RANBP10: variants seen among roughly 807,000 people sequenced by gnomAD.
RANBP10 encodes the protein ran-binding protein 10.
In RANBP10, 24 loss-of-function variants were observed where a neutral mutation model predicts 72.8. That is an observed-to-expected ratio of 0.33 (90% confidence interval 0.24 to 0.46). The LOEUF (loss-of-function observed/expected upper bound fraction) is 0.46, where lower values mean the gene tolerates loss of function less well. Ranked by LOEUF, RANBP10 falls within the 20% of genes least tolerant of loss-of-function variation. The pLI, the probability that RANBP10 is intolerant of heterozygous loss-of-function variation, is 1.00. For missense variants in RANBP10, 679 were observed against 817.5 expected (o/e 0.83, Z 2.07); for synonymous variants, 310 against 322.3 (o/e 0.96, Z 0.41).
chr16:67,740,915 C>T (rs2053957379), intron 4 of RANBP10, among the ~76,000 whole-genome samples: 1 of 152,046 alleles, frequency 6.6e-6, no homozygotes, highest in Non-Finnish European at 1.5e-5. Flanking sequence ...AGGAGAAGAC[C>T]CCAATGTCCA....
Position 67,728,444 on chromosome 16 carries a change from T to C in RANBP10, c.1420A>G (p.Ile474Val), listed in dbSNP as rs373417770. 10 of 1,614,172 alleles carry C rather than the reference T, an allele frequency of 6.2e-6. No homozygotes were observed. Among genetic ancestry groups the C allele is most frequent in the Non-Finnish European group, 8.5e-6 (10 of 1,180,032 alleles). ...TCATGCTTGTAGGCACCATTAACAA[T>C]GCGTGTGGACATGCTTCCTAGCACA... ...NGVLGSMSTR[I>V]VNGAYKHEDL... Residue 474 changes from isoleucine to valine, a missense_variant, in exon 11 of 14, where the codon ATT becomes GTT. Transcript: ENST00000317506.
chr16:67,753,874 C>T (rs916351916), intron 3 of RANBP10, among the ~76,000 whole-genome samples: 1 of 152,110 alleles, frequency 6.6e-6, no homozygotes, highest in Non-Finnish European at 1.5e-5. Flanking sequence ...GTGGCTCATG[C>T]CTGTGATCCC....
chr16:67,727,511 G>A (rs1298859390), intron 12 of RANBP10, 73 bp from the exon 13 acceptor site: 3 of 1,447,352 alleles, frequency 2.1e-6, no homozygotes, highest in Non-Finnish European at 2.9e-6. Flanking sequence ...GGCTCCAGAG[G>A]GAGACAGGGC....
At position 67,730,811 on chromosome 16, in the gene RANBP10, C is replaced by T. The variant is rs146478420; in HGVS notation, c.889+661G>A. On this transcript the variant is annotated intron_variant, in intron 7 of 13. Transcript: ENST00000317506. The surrounding 1 kb of genome is among the most constrained non-coding windows in gnomAD (Gnocchi z 4.3). ...AGGGGTAGGCAGGCACTCACAGACA[C>T]GCATATCCACACCCACTTGCCCTCA... 6.6e-5 allele frequency among the ~76,000 whole-genome samples: 10 copies of T among 152,254 alleles called. No homozygotes were observed. In the East Asian group the frequency reaches 1.9e-3, roughly 29 times the overall value.
rs373020147 is a variant in RANBP10, at chr16:67,734,850, G to C, written c.776+8C>G. The C allele has an allele frequency of 6.4e-7, 1 of 1,574,208 alleles. No homozygotes were observed. Among genetic ancestry groups the C allele is most frequent in the South Asian group, 1.2e-5 (1 of 86,088 alleles). Reference sequence around the variant, plus strand: ...GGGAGTGGGTAAGGGCAGGAGCAGGGCACTCACTTCTGCAGCACTGCCTGC... The same window carrying C: ...GGGAGTGGGTAAGGGCAGGAGCAGGCCACTCACTTCTGCAGCACTGCCTGC... On this transcript the variant is annotated splice_region_variant and intron_variant, in intron 6 of 13. Coordinates refer to ENST00000317506, the MANE Select transcript of RANBP10 (RefSeq NM_020850.3).
intron 3 of RANBP10, among the ~76,000 whole-genome samples, chr16:67,759,097 A>C (rs1814888344): frequency 6.6e-6 from 1 of 152,240 alleles, no homozygotes; most frequent in Non-Finnish European, 1.5e-5. Flanking sequence ...CCACCGCTTG[A>C]ATCACCAGCT....
At chr16:67,782,513 G>A (rs980134934) in intron 2 of RANBP10, among the ~76,000 whole-genome samples, 7 of 149,420 alleles carry the variant, frequency 4.7e-5, no homozygotes, top group South Asian at 2.1e-4. Flanking sequence ...GTGCAGTGCC[G>A]CGATCTTGGC....
chr16:67,771,858 G>T (rs2054612720), intron 3 of RANBP10, among the ~76,000 whole-genome samples, 176 bp downstream of exon 3: 1 of 152,064 alleles, frequency 6.6e-6, no homozygotes, highest in Non-Finnish European at 1.5e-5. Context: ...TTTTGGAATG[G>T]AAATGCACAC....
At chr16:67,738,990 C>T (rs2053914122) in intron 4 of RANBP10, 1 of 152,154 alleles carries the variant, frequency 6.6e-6, no homozygotes, top group Non-Finnish European at 1.5e-5. Context: ...AGAAGGGCCT[C>T]ACTCTGTCGC....
rs2053655642 is a variant in RANBP10, at chr16:67,728,530, G to A, written c.1353-19C>T. ...ACTGTCGCTGTGGGGAGGGGTTGAG[G>A]TGGGAGTTGGCCCAGGGGGTGTGGT... is the stretch of plus-strand genomic sequence containing the variant. On this transcript the variant is annotated intron_variant, in intron 10 of 13. Transcript: ENST00000317506. 6.2e-7 allele frequency: 1 copy of A among 1,613,988 alleles called. No individual in the cohort carries two copies.
At chr16:67,782,487 T>C (rs1010887510) in intron 2 of RANBP10, among the ~76,000 whole-genome samples, 6 of 151,188 alleles carry the variant, frequency 4.0e-5, no homozygotes, top group Non-Finnish European at 1.5e-5. Context: ...AGTCTTGCTC[T>C]GTCACCCAGG....
intron 2 of RANBP10, among the ~76,000 whole-genome samples, chr16:67,784,408 G>C (rs2054869912): frequency 6.6e-6 from 1 of 152,194 alleles, no homozygotes; most frequent in Non-Finnish European, 1.5e-5. Context: ...TGTAATCCCA[G>C]CACTTTGGGA....
intron 7 of RANBP10, 71 bp downstream of exon 7, chr16:67,731,401 G>C: frequency 1.5e-6 from 2 of 1,341,886 alleles, no homozygotes; most frequent in Non-Finnish European, 2.1e-6. Flanking sequence ...GTTAACCAGG[G>C]TTGACATGAG....
chr16:67,772,892 G>C (rs149210452), intron 2 of RANBP10, among the ~76,000 whole-genome samples: 128 of 152,238 alleles, frequency 8.4e-4, no homozygotes, highest in African/African-American at 2.9e-3. Flanking sequence ...TTGAGGCAGA[G>C]GCTCCCAGGC....
intron 11 of RANBP10, among the ~76,000 whole-genome samples, 178 bp downstream of exon 11, chr16:67,728,212 C>T (rs938653424): frequency 1.3e-5 from 2 of 152,196 alleles, no homozygotes; most frequent in African/African-American, 2.4e-5. Flanking sequence ...CCAGGGCCTT[C>T]GTACATTTGG....
At position 67,730,006 on chromosome 16, in the gene RANBP10, G is replaced by A. The variant is rs1339013084; in HGVS notation, c.930C>T (p.Ala310=). 6.2e-7 allele frequency: 1 copy of A among 1,613,436 alleles called. No individual in the cohort carries two copies. Residue 310 remains alanine (A), a synonymous_variant, in exon 8 of 14, where the codon GCC becomes GCT. Transcript: ENST00000317506. This position sits in a 1 kb window ranked among gnomAD's most constrained non-coding sequence, Gnocchi z 4.3. Reference sequence around the variant, plus strand: ...GGTAGAAGCGCTGGGTGGTCTCGATGGCCTCGCCCACACGGCCCTCCAGCA... The same window carrying A: ...GGTAGAAGCGCTGGGTGGTCTCGATAGCCTCGCCCACACGGCCCTCCAGCA... ...KLVLEGRVGE[A]IETTQRFYPG...
At chr16:67,795,153 G>C (rs1480873508) in intron 2 of RANBP10, among the ~76,000 whole-genome samples, 2 of 152,086 alleles carry the variant, frequency 1.3e-5, no homozygotes, top group Admixed American at 1.3e-4. Flanking sequence ...AGGAGGCTGA[G>C]GTGGGAGAAT....
At chr16:67,739,733 G>A (rs1160935044) in intron 4 of RANBP10, 1 of 152,144 alleles carries the variant, frequency 6.6e-6, no homozygotes, top group Non-Finnish European at 1.5e-5. Context: ...TGTGCCACTG[G>A]GTTCCAGCTT....
intron 2 of RANBP10, among the ~76,000 whole-genome samples, chr16:67,792,356 C>T (rs994668946): frequency 6.6e-6 from 1 of 151,796 alleles, no homozygotes; most frequent in Non-Finnish European, 1.5e-5. Context: ...AGATCAAGAC[C>T]ATCCTGGCTA....
Sources: gnomAD v4.1 joint callset for allele counts (sites outside exome capture counted in the v4.1 genomes callset) on GRCh38, gnomAD v4.1.1 for gene constraint, Gnocchi (gnomAD v3.1) non-coding constraint, MANE v1.5 for transcripts, NCBI Gene and HGNC (gene_info 2026-07-23, HGNC 2026-07-21) for gene names.